The following SEPTIN6 variants were observed in gnomAD, a reference collection of about 807,000 sequenced individuals.
SEPTIN6 encodes the protein septin-6.
A neutral mutation model predicts 33.6 loss-of-function variants in SEPTIN6; 8 were observed. The ratio of observed to expected loss-of-function variants is 0.24; its 90% confidence interval spans 0.14 to 0.43. The LOEUF (loss-of-function observed/expected upper bound fraction) is 0.43, where lower values mean the gene tolerates loss of function less well. SEPTIN6 is among the 20% of genes least tolerant of loss of function. The probability of loss-of-function intolerance (pLI) is 1.00; values close to 1 mark genes in which losing one functional copy is unlikely to be tolerated. For missense variants in SEPTIN6, 250 were observed against 340.8 expected, an observed-to-expected ratio of 0.73 and a Z score of 2.10; for synonymous variants, 131 against 140.0, an observed-to-expected ratio of 0.94 and a Z score of 0.45.
At chrX:119,643,484 G>T (rs764147985) in intron 5 of SEPTIN6, among the ~76,000 whole-genome samples, 1 of 110,635 alleles carries the variant, frequency 9.0e-6, no homozygotes, top group African/African-American at 3.3e-5. Context: ...AAGAGACACC[G>T]TCAGAATGAT....
At chrX:119,681,475 C>T (rs748120088) in intron 1 of SEPTIN6, among the ~76,000 whole-genome samples, 1 of 110,772 alleles carries the variant, frequency 9.0e-6, no homozygotes, top group South Asian at 3.8e-4. Context: ...TTTTAAATTG[C>T]ACTTCTCTCA....
At chrX:119,622,392 C>T (rs1291360592) in intron 10 of SEPTIN6, among the ~76,000 whole-genome samples, 3 of 111,775 alleles carry the variant, frequency 2.7e-5, no homozygotes, top group African/African-American at 6.5e-5. Context: ...AGGTGGCCTT[C>T]GTGATCCACC....
At chrX:119,682,556 T>C (rs1018773577) in intron 1 of SEPTIN6, among the ~76,000 whole-genome samples, 2 of 111,835 alleles carry the variant, frequency 1.8e-5, no homozygotes, top group Non-Finnish European at 3.8e-5. Flanking sequence ...ACTGCTCTCT[T>C]TCTCTTCTGC....
chrX:119,617,630 A>T lies in SEPTIN6; in HGVS notation c.*2463T>A, dbSNP rs1217912957. The T allele has an allele frequency of 1.2e-6, 1 of 802,134 alleles. No individual in the cohort carries two copies. The highest frequency in any genetic ancestry group is 2.2e-5 in the African/African-American group (1 of 45,587). The allele number at this position is 802,134 out of a possible 1,213,427, so 66.1% of individuals were successfully genotyped here. On this transcript the variant is annotated 3_prime_UTR_variant, in exon 11 of 11. Coordinates refer to ENST00000394610, the MANE Select transcript of SEPTIN6 (RefSeq NM_145799.4). ...AGTCAGTTACTCTGAACATCAAAAG[A>T]CCTCGTATCCAGGAATGTAACGTAT...
At chrX:119,627,791 CTTTTTTTT>C (rs973249197) in intron 9 of SEPTIN6, among the ~76,000 whole-genome samples, 9 of 73,671 alleles carry the variant, frequency 1.2e-4, no homozygotes, top group African/African-American at 4.5e-4. Context: ...ATCTGCACTT[CTTTTTTTT>C]TTTTTTTTTT....
chrX:119,686,630 A>G (rs1186083756), intron 1 of SEPTIN6: 1 of 966,969 alleles, frequency 1.0e-6, no homozygotes, highest in East Asian at 7.5e-5. Flanking sequence ...TCCCAGCAGC[A>G]GAAGCCTCCT....
At chrX:119,650,662 G>A (rs762042220) in intron 4 of SEPTIN6, among the ~76,000 whole-genome samples, 12 of 111,220 alleles carry the variant, frequency 1.1e-4, no homozygotes, top group South Asian at 7.7e-4. Context: ...AGCCCAAGCC[G>A]GGTGTGATAT....
intron 4 of SEPTIN6, 38 bp downstream of exon 4, chrX:119,652,816 G>A: frequency 8.7e-7 from 1 of 1,147,148 alleles, no homozygotes; most frequent in Non-Finnish European, 1.2e-6. Context: ...AGATCAGTAA[G>A]AGTGAGCCCC....
chrX:119,691,983 A>G (rs1257880038), intron 1 of SEPTIN6, among the ~76,000 whole-genome samples: 3 of 111,526 alleles, frequency 2.7e-5, no homozygotes, highest in Non-Finnish European at 3.8e-5. Flanking sequence ...GTCCCCCCCA[A>G]ATGGAATTCA....
intron 2 of SEPTIN6, among the ~76,000 whole-genome samples, chrX:119,669,305 A>G (rs1351512128): frequency 8.8e-6 from 1 of 112,999 alleles, no homozygotes; most frequent in African/African-American, 3.2e-5. Flanking sequence ...GCACAGTTAT[A>G]GGAGCTGCAG....
chrX:119,628,424 G>A (rs760488315), intron 9 of SEPTIN6, among the ~76,000 whole-genome samples: 28 of 106,632 alleles, frequency 2.6e-4, no homozygotes, highest in African/African-American at 6.6e-4. Flanking sequence ...GATTATAAGC[G>A]CGCGCCACCG....
At chrX:119,632,485 C>T (rs1357244156) in intron 8 of SEPTIN6, among the ~76,000 whole-genome samples, 5 of 106,537 alleles carry the variant, frequency 4.7e-5, no homozygotes, top group Admixed American at 1.0e-4. Flanking sequence ...CGTGAGCCAC[C>T]GCGCCCAGCC....
chrX:119,621,446 G>GTGTGTGTGTGT (rs2053759617), intron 10 of SEPTIN6, among the ~76,000 whole-genome samples: 3 of 63,490 alleles, frequency 4.7e-5, no homozygotes, highest in African/African-American at 1.2e-4. Flanking sequence ...GCCCAGAGCT[G>GTGTGTGTGTGT]GTGTGTGTGT....
chrX:119,674,680 C>G (rs1164980462), intron 2 of SEPTIN6, among the ~76,000 whole-genome samples: 1 of 111,620 alleles, frequency 9.0e-6, no homozygotes, highest in East Asian at 2.8e-4. Context: ...CTTATCCTCC[C>G]CAAGACTCTG....
intron 5 of SEPTIN6, among the ~76,000 whole-genome samples, chrX:119,647,483 C>CTTTTTTTTTTTTTT (rs61037430): frequency 1.3e-3 from 98 of 74,378 alleles, no homozygotes; most frequent in African/African-American, 1.6e-3. Flanking sequence ...TTCTCTCTCT[C>CTTTTTTTTTTTTTT]TTTTTTTTTT....
At chrX:119,627,382 A>T (rs1373011133) in intron 9 of SEPTIN6, among the ~76,000 whole-genome samples, 1 of 110,441 alleles carries the variant, frequency 9.1e-6, no homozygotes, top group Admixed American at 9.8e-5. Context: ...GCAAGCAGAG[A>T]CTGGGGTTGG....
intron 5 of SEPTIN6, among the ~76,000 whole-genome samples, chrX:119,644,718 G>A (rs1198224924): frequency 9.2e-6 from 1 of 108,762 alleles, no homozygotes; most frequent in Non-Finnish European, 1.9e-5. Flanking sequence ...GTGGTGGCGG[G>A]CGCCTGTAAT....
chrX:119,666,320 A>G (rs948622402), intron 2 of SEPTIN6, among the ~76,000 whole-genome samples: 1 of 111,996 alleles, frequency 8.9e-6, no homozygotes, highest in Non-Finnish European at 1.9e-5. Flanking sequence ...CTTGCGACCA[A>G]AAGCACACAT....
intron 3 of SEPTIN6, among the ~76,000 whole-genome samples, chrX:119,656,618 T>C (rs2054446618): frequency 1.8e-5 from 2 of 112,917 alleles, no homozygotes; most frequent in South Asian, 7.2e-4. Flanking sequence ...CCAGGCGCAG[T>C]GGCTCACGCC....
Sources: gnomAD v4.1 joint callset for allele counts (sites outside exome capture counted in the v4.1 genomes callset) on GRCh38, gnomAD v4.1.1 for gene constraint, MANE v1.5 for transcripts, NCBI Gene and HGNC (gene_info 2026-07-23, HGNC 2026-07-21) for gene names.